Variants in SAMMSON observed in about 807,000 individuals in gnomAD.
SAMMSON encodes survival associated mitochondrial melanoma specific oncogenic non-coding RNA.
intron 6 of SAMMSON, among the ~76,000 whole-genome samples, chr3:70,274,763 T>G (rs980707408): frequency 4.6e-5 from 7 of 152,076 alleles, no homozygotes. Context: ...TTAAAACAAA[T>G]ATAAAAATAT....
At chr3:70,338,073 T>C (rs1434133454) in intron 7 of SAMMSON, among the ~76,000 whole-genome samples, 5 of 151,548 alleles carry the variant, frequency 3.3e-5, no homozygotes, top group Non-Finnish European at 7.4e-5. Flanking sequence ...AATATATTTA[T>C]TATATAATAG....
At chr3:70,239,327 T>G (rs1701642702) in intron 4 of SAMMSON, among the ~76,000 whole-genome samples, 1 of 152,180 alleles carries the variant, frequency 6.6e-6, no homozygotes, top group Non-Finnish European at 1.5e-5. Flanking sequence ...AGTCTTACCC[T>G]AGCTATTAGG....
chr3:70,086,762 A>G (rs1356127769), intron 4 of SAMMSON, among the ~76,000 whole-genome samples: 3 of 152,326 alleles, frequency 2.0e-5, no homozygotes, highest in Non-Finnish European at 2.9e-5. Flanking sequence ...ATGAGTTCTC[A>G]TACTGATTAT....
At chr3:70,161,753 T>C (rs2067616465) in intron 4 of SAMMSON, among the ~76,000 whole-genome samples, 1 of 151,908 alleles carries the variant, frequency 6.6e-6, no homozygotes, top group Non-Finnish European at 1.5e-5. Context: ...ATATTATTGC[T>C]CCTTTAAGTG....
chr3:70,217,740 T>G (rs1208748109), intron 4 of SAMMSON, among the ~76,000 whole-genome samples: 1 of 152,140 alleles, frequency 6.6e-6, no homozygotes, highest in Non-Finnish European at 1.5e-5. Flanking sequence ...CATTCTGTAT[T>G]TATAAATCAG....
chr3:70,364,396 T>C (rs952625342), intron 9 of SAMMSON, among the ~76,000 whole-genome samples: 1 of 151,960 alleles, frequency 6.6e-6, no homozygotes, highest in African/African-American at 2.4e-5. Flanking sequence ...TTGAGTATAT[T>C]GTAGATGCTG....
chr3:70,201,655 A>G (rs2106720466), intron 4 of SAMMSON, among the ~76,000 whole-genome samples: 1 of 152,120 alleles, frequency 6.6e-6, no homozygotes, highest in African/African-American at 2.4e-5. Flanking sequence ...AACCAGACTG[A>G]CTCCTCCACA....
chr3:70,160,196 T>G (rs2067609257), intron 4 of SAMMSON, among the ~76,000 whole-genome samples: 1 of 97,542 alleles, frequency 1.0e-5, no homozygotes, highest in African/African-American at 3.5e-5. Flanking sequence ...ATGCTTTTCA[T>G]GTTATATCAA....
At chr3:70,411,508 T>G (rs1701217729) in intron 2 of SAMMSON, among the ~76,000 whole-genome samples, 1 of 152,212 alleles carries the variant, frequency 6.6e-6, no homozygotes, top group Non-Finnish European at 1.5e-5. Flanking sequence ...TTTTTGGTTC[T>G]TGTGATGTTA....
rs569132964 is a variant in SAMMSON at position 70,312,170 on chromosome 3, TTTATA to T, written n.739+20929_739+20933del. The stretch of plus-strand genomic sequence containing the variant: ...AAAACATTGACATTGAAAACTAAAC[TTTATA>T]TGATATTTCTTTGCCCAGCAACAAA... On this transcript the variant is annotated intron_variant and non_coding_transcript_variant, in intron 7 of 9. Coordinates refer to ENST00000642114, the Ensembl canonical transcript of SAMMSON. Among the ~76,000 whole-genome samples the T allele has an allele frequency of 3.3e-5, 5 of 152,342 alleles. No individual in the cohort carries two copies. The South Asian group carries it at 1.0e-3, about 32-fold the overall frequency.
chr3:70,028,835 A>G (rs1031941455), intron 3 of SAMMSON, among the ~76,000 whole-genome samples: 1 of 152,206 alleles, frequency 6.6e-6, no homozygotes, highest in African/African-American at 2.4e-5. Flanking sequence ...TTTCTCACCG[A>G]TGATAATGAT....
intron 4 of SAMMSON, among the ~76,000 whole-genome samples, chr3:70,224,750 G>C (rs1559539208): frequency 6.6e-6 from 1 of 151,464 alleles, no homozygotes; most frequent in South Asian, 2.1e-4. Flanking sequence ...CATTGCGCTC[G>C]GCAAAATGCT....
intron 6 of SAMMSON, among the ~76,000 whole-genome samples, chr3:70,250,023 T>A (rs1396075529): frequency 6.6e-6 from 1 of 152,182 alleles, no homozygotes; most frequent in South Asian, 2.1e-4. Flanking sequence ...AAGTTCTGGC[T>A]TCGAGTTGTT....
In SAMMSON at chr3:70,280,716, A is replaced by T. The variant is rs192648006; in HGVS notation, n.675-10463A>T. On this transcript the variant is annotated intron_variant and non_coding_transcript_variant, in intron 6 of 9. Transcript: ENST00000642114. ...GGCAGGTCTCCAAAGCCAGCCATAA[A>T]ACCTAAAAACATTACTCTTAGTTTC... Among the ~76,000 whole-genome samples, 266 of 152,210 alleles carry T rather than the reference A, an allele frequency of 1.7e-3. 2 individuals are homozygous for T. Among genetic ancestry groups the T allele is most frequent in the Admixed American group, 0.016 (245 of 15,274 alleles).
At chr3:70,359,643 C>T (rs894662201) in intron 9 of SAMMSON, among the ~76,000 whole-genome samples, 11 of 152,042 alleles carry the variant, frequency 7.2e-5, no homozygotes, top group Non-Finnish European at 4.4e-5. Context: ...GTAGCTAAGC[C>T]GTCACACTTA....
chr3:70,100,224 G>T (rs2067338381), intron 4 of SAMMSON, among the ~76,000 whole-genome samples: 1 of 151,986 alleles, frequency 6.6e-6, no homozygotes, highest in Non-Finnish European at 1.5e-5. Flanking sequence ...ACAGCTCACT[G>T]CAGCCTCAAC....
At chr3:70,041,942 A>G (rs2067107867) in intron 3 of SAMMSON, among the ~76,000 whole-genome samples, 1 of 152,122 alleles carries the variant, frequency 6.6e-6, no homozygotes, top group Admixed American at 6.6e-5. Flanking sequence ...AGGCTGAGAA[A>G]TAGAGCAATC....
intron 4 of SAMMSON, among the ~76,000 whole-genome samples, chr3:70,231,553 TGTG>T (rs1701560183): frequency 6.6e-6 from 1 of 152,186 alleles, no homozygotes; most frequent in Non-Finnish European, 1.5e-5. Flanking sequence ...ACTTGTTAGT[TGTG>T]CTGGATGATT....
intron 3 of SAMMSON, among the ~76,000 whole-genome samples, chr3:70,017,129 C>T (rs1350989907): frequency 2.0e-5 from 3 of 152,124 alleles, no homozygotes; most frequent in Non-Finnish European, 2.9e-5. Context: ...TGAAGAAAGT[C>T]ATCGGTAGCT....
Sources: allele counts gnomAD v4.1 joint callset (sites outside exome capture counted in the v4.1 genomes callset), GRCh38; gene constraint gnomAD v4.1.1; transcripts MANE v1.5; gene names NCBI Gene and HGNC (gene_info 2026-07-23, HGNC 2026-07-21).